NEBL: variants seen among roughly 807,000 people sequenced by gnomAD.
NEBL encodes nebulette, also known as LIM and SH3 protein 2.
In NEBL, 122 loss-of-function variants were observed where a neutral mutation model predicts 140.2. That is an observed-to-expected ratio of 0.87 (90% CI 0.75 to 1.01). The LOEUF (loss-of-function observed/expected upper bound fraction) is 1.01. NEBL is among the 50% of genes least tolerant of loss of function. The probability of loss-of-function intolerance (pLI) is 0.00; values close to 1 mark genes in which losing one functional copy is unlikely to be tolerated. For missense variants in NEBL, 1,365 were observed against 1,231.3 expected (o/e 1.11, Z -1.62); for synonymous variants, 436 against 398.9 (o/e 1.09, Z -1.11).
At chr10:20,979,560 C>A (rs1229721513) in intron 3 of NEBL, among the ~76,000 whole-genome samples, 1 of 152,178 alleles carries the variant, frequency 6.6e-6, no homozygotes, top group African/African-American at 2.4e-5. Flanking sequence ...TATTTTAGAT[C>A]TTTCAATGTA....
chr10:21,166,529 C>G (rs1840786824), intron 2 of NEBL, among the ~76,000 whole-genome samples: 1 of 152,106 alleles, frequency 6.6e-6, no homozygotes, highest in Non-Finnish European at 1.5e-5. Flanking sequence ...CTTTCTTCAC[C>G]CCTCAAAAAA....
At chr10:21,292,224 T>C (rs1843154182) in intron 1 of NEBL, among the ~76,000 whole-genome samples, 1 of 152,256 alleles carries the variant, frequency 6.6e-6, no homozygotes, top group Non-Finnish European at 1.5e-5. Flanking sequence ...AAGTTTATTT[T>C]GTATAAAAGT....
intron 2 of NEBL, among the ~76,000 whole-genome samples, chr10:20,895,324 CAT>C (rs1847383016): frequency 1.3e-5 from 2 of 151,590 alleles, no homozygotes; most frequent in African/African-American, 2.4e-5. Context: ...ATAATAGTAA[CAT>C]AATAATAATA....
chr10:21,270,293 T>C (rs1292137804), intron 1 of NEBL, among the ~76,000 whole-genome samples: 1 of 152,116 alleles, frequency 6.6e-6, no homozygotes, highest in African/African-American at 2.4e-5. Flanking sequence ...AAGCTGCACA[T>C]CTCCAAATTG....
At position 20,785,914 on chromosome 10, in the gene NEBL, G is replaced by C. The variant is rs778566872; in HGVS notation, c.2878C>G (p.Arg960Gly). 1 of 1,613,780 alleles carries C rather than the reference G, an allele frequency of 6.2e-7. No individual in the cohort carries two copies. The highest frequency in any genetic ancestry group is 8.5e-7 in the Non-Finnish European group (1 of 1,179,820). The change falls in exon 28 of 28, where the codon CGA (arginine) becomes GGA (glycine). Residue 960 changes from arginine (R) to glycine (G), a missense_variant. Arg to Gly is a moderately radical substitution (Grantham distance 125). This residue lies in a region of NEBL where 1,323 missense variants were observed against 1,154.8 expected (regional missense o/e 1.15). Transcript: ENST00000377122. ...TGGGCACTGTAATCGTACATGGCTC[G>C]GTAGGTCCTCTGAGAAAGGAAGAAG... ...MQHSPNLRTY[R>G]AMYDYSAQDE...
chr10:20,948,969 C>G (rs1421017435), intron 4 of NEBL, among the ~76,000 whole-genome samples: 1 of 152,178 alleles, frequency 6.6e-6, no homozygotes, highest in East Asian at 1.9e-4. Flanking sequence ...TATGTGCACT[C>G]TACACATACG....
intron 11 of NEBL, among the ~76,000 whole-genome samples, chr10:20,845,984 C>G (rs1841899967): frequency 6.6e-6 from 1 of 152,092 alleles, no homozygotes; most frequent in Non-Finnish European, 1.5e-5. Context: ...AACCTTATAA[C>G]TGAACTCCTC....
chr10:20,976,398 G>A (rs892631143), intron 3 of NEBL, among the ~76,000 whole-genome samples: 3 of 148,862 alleles, frequency 2.0e-5, no homozygotes, highest in South Asian at 2.1e-4. Context: ...ATTACCATTC[G>A]ACCCAACAAT....
chr10:21,111,255 T>G (rs925665151), intron 2 of NEBL, among the ~76,000 whole-genome samples: 1 of 152,146 alleles, frequency 6.6e-6, no homozygotes, highest in Admixed American at 6.6e-5. Context: ...TTAAAGTTCA[T>G]ATGGAACCAA....
At chr10:20,900,178 G>C (rs1847798622), upstream of NEBL, among the ~76,000 whole-genome samples, 1 of 152,082 alleles carries the variant, frequency 6.6e-6, no homozygotes, top group Admixed American at 6.5e-5. Context: ...TTACTTATTG[G>C]GCACTTCTTT....
At chr10:20,802,786 C>T (rs980217126) in intron 26 of NEBL, among the ~76,000 whole-genome samples, 2 of 152,096 alleles carry the variant, frequency 1.3e-5, no homozygotes, top group African/African-American at 4.8e-5. Context: ...CTCATAACTG[C>T]CCAAGTACTT....
At chr10:21,187,548 C>A (rs1841496369) in intron 3 of NEBL, among the ~76,000 whole-genome samples, 1 of 151,668 alleles carries the variant, frequency 6.6e-6, no homozygotes, top group Non-Finnish European at 1.5e-5. Flanking sequence ...AAGGTCAGAT[C>A]TGTCACCCAG....
chr10:21,016,976 C>T (rs1354484949), intron 3 of NEBL, among the ~76,000 whole-genome samples: 2 of 152,198 alleles, frequency 1.3e-5, no homozygotes. Context: ...CCTTTACATA[C>T]ATTGCATCAA....
intron 2 of NEBL, among the ~76,000 whole-genome samples, chr10:21,052,638 A>G (rs1347930897): frequency 6.6e-6 from 1 of 152,226 alleles, no homozygotes; most frequent in Non-Finnish European, 1.5e-5. Flanking sequence ...GCTAAAACCA[A>G]GATTAAATGG....
chr10:21,126,940 A>T (rs1838864454), intron 2 of NEBL, among the ~76,000 whole-genome samples: 1 of 144,078 alleles, frequency 6.9e-6, no homozygotes. Context: ...GAGCCACTAC[A>T]CTCCAGCCTG....
intron 3 of NEBL, among the ~76,000 whole-genome samples, chr10:21,238,777 A>T (rs1842397366): frequency 6.6e-6 from 1 of 151,476 alleles, no homozygotes; most frequent in Admixed American, 6.6e-5. Context: ...GAAAAGAAGA[A>T]ATGGTTCTTT....
rs1263611134 is a variant in NEBL at position 20,808,562 on chromosome 10, A to T, written c.2709T>A (p.Ile903=). The T allele has an allele frequency of 6.2e-7, 1 of 1,613,850 alleles. No individual in the cohort carries two copies. The highest frequency in any genetic ancestry group is 1.3e-5 in the African/African-American group (1 of 74,900). The part of the protein sequence containing the change: ...LGDDRSEISE[I]YPSFSCCSEV... ...CACTGCAGCATGAAAAGCTAGGGTA[A>T]ATCTCGGAGATTTCTGACCTGTCGT... The change falls in exon 26 of 28, where the codon ATT becomes ATA. Residue 903 remains isoleucine, a synonymous_variant. Transcript: ENST00000377122.
At chr10:21,079,416 C>T (rs530944724) in intron 2 of NEBL, among the ~76,000 whole-genome samples, 1 of 152,184 alleles carries the variant, frequency 6.6e-6, no homozygotes, top group South Asian at 2.1e-4. Flanking sequence ...TGTGTGAGGA[C>T]CTTGTTTTGG....
chr10:20,793,394 G>A, intron 26 of NEBL: 2 of 967,992 alleles, frequency 2.1e-6, no homozygotes, highest in South Asian at 4.8e-5. Flanking sequence ...GGAAGGACAG[G>A]AGATTAAGGA....
Sources: allele counts gnomAD v4.1 joint callset (sites outside exome capture counted in the v4.1 genomes callset), GRCh38; gene constraint gnomAD v4.1.1; regional missense constraint gnomAD v4.1.1; transcripts MANE v1.5; gene names NCBI Gene and HGNC (gene_info 2026-07-23, HGNC 2026-07-21).